Variants in BACH2 observed in about 807,000 individuals in gnomAD.
BACH2 encodes the protein BACH transcriptional regulator 2.
Under a neutral mutation model 61.8 loss-of-function variants are expected in BACH2, and 5 were observed. The ratio of observed to expected loss-of-function variants is 0.08; its 90% CI spans 0.04 to 0.17. The LOEUF is 0.17. BACH2 is among the 10% of genes least tolerant of loss of function. The pLI is 1.00. For synonymous variants in BACH2, 446 were observed against 440.1 expected (o/e 1.01, Z -0.17); for missense variants, 824 against 1,091.1 (o/e 0.76, Z 3.45).
intron 4 of BACH2, among the ~76,000 whole-genome samples, chr6:90,146,869 G>A (rs536401165): frequency 3.3e-5 from 5 of 152,238 alleles, no homozygotes; most frequent in South Asian, 2.1e-4. Flanking sequence ...TGTGAATGAC[G>A]ATTAAAACTA....
chr6:90,150,328 A>G (rs533755111), intron 4 of BACH2, among the ~76,000 whole-genome samples: 2 of 152,306 alleles, frequency 1.3e-5, no homozygotes, highest in African/African-American at 4.8e-5. Context: ...TTATTTTACA[A>G]TGGATAAACC....
At chr6:90,142,827 G>A (rs1368992850) in intron 4 of BACH2, among the ~76,000 whole-genome samples, 2 of 152,020 alleles carry the variant, frequency 1.3e-5, no homozygotes, top group Non-Finnish European at 2.9e-5. Flanking sequence ...GAGTGACTGT[G>A]ATAATTAGGG....
chr6:89,979,116 T>C (rs1775813528), intron 6 of BACH2, among the ~76,000 whole-genome samples: 1 of 152,138 alleles, frequency 6.6e-6, no homozygotes, highest in Admixed American at 6.5e-5. Flanking sequence ...CCATAAAAAA[T>C]AACTGTATGG....
At chr6:89,971,364 T>C (rs1189134970) in intron 6 of BACH2, among the ~76,000 whole-genome samples, 1 of 152,178 alleles carries the variant, frequency 6.6e-6, no homozygotes, top group Non-Finnish European at 1.5e-5. Flanking sequence ...AAGATACAAA[T>C]CACCTTATCC....
rs146731270 is a variant in BACH2 at position 90,116,039 on chromosome 6, C to A, written c.-161-26930G>T. Among the ~76,000 whole-genome samples the A allele has an allele frequency of 2.3e-3, 348 of 152,220 alleles. 1 individual carries two copies. The highest frequency in any genetic ancestry group is 8.0e-3 in the African/African-American group (333 of 41,554). ...TGGCAAAGTTGCAGAGAAAAGGGAACCCTTACACACTGTTGGTGGTATTGT... is the reference window on the plus strand; with the variant it reads ...TGGCAAAGTTGCAGAGAAAAGGGAAACCTTACACACTGTTGGTGGTATTGT... On this transcript the variant is annotated intron_variant, in intron 4 of 8. Coordinates refer to ENST00000257749, the MANE Select transcript of BACH2 (RefSeq NM_021813.4).
At chr6:89,961,045 T>G (rs1378238016) in intron 6 of BACH2, among the ~76,000 whole-genome samples, 1 of 152,228 alleles carries the variant, frequency 6.6e-6, no homozygotes, top group Non-Finnish European at 1.5e-5. Context: ...TTTGCCCATC[T>G]CATCTCACCT....
At chr6:90,055,878 ATAAG>A (rs1780317602) in intron 5 of BACH2, among the ~76,000 whole-genome samples, 1 of 152,198 alleles carries the variant, frequency 6.6e-6, no homozygotes, top group African/African-American at 2.4e-5. Flanking sequence ...ACTAAGCTTC[ATAAG>A]TGAAGGAGAA....
chr6:89,993,061 G>A (rs139537950), intron 6 of BACH2, among the ~76,000 whole-genome samples: 43 of 152,302 alleles, frequency 2.8e-4, no homozygotes, highest in African/African-American at 9.4e-4. Flanking sequence ...GACACAAGGA[G>A]GCGGCTGTCT....
chr6:89,997,324 C>T (rs754509815), intron 6 of BACH2, among the ~76,000 whole-genome samples: 20 of 152,202 alleles, frequency 1.3e-4, no homozygotes, highest in South Asian at 2.1e-4. Flanking sequence ...TCTCCAGTTA[C>T]GAAAACTGTG....
intron 6 of BACH2, among the ~76,000 whole-genome samples, chr6:89,968,662 T>C (rs1233025332): frequency 6.6e-6 from 1 of 152,246 alleles, no homozygotes; most frequent in Non-Finnish European, 1.5e-5. Context: ...TACTTGAGCA[T>C]TCACTGTGCT....
intron 3 of BACH2, among the ~76,000 whole-genome samples, chr6:90,250,530 T>C (rs1207812807): frequency 2.0e-5 from 3 of 152,216 alleles, no homozygotes; most frequent in Admixed American, 6.5e-5. Context: ...CAGATATTGA[T>C]TGAGCCCTGT....
chr6:90,045,633 C>A (rs17766774), intron 5 of BACH2, among the ~76,000 whole-genome samples: 4 of 152,054 alleles, frequency 2.6e-5, no homozygotes, highest in African/African-American at 9.7e-5. Flanking sequence ...AAGTCAAAAC[C>A]AAGTCAGTGG....
At chr6:90,258,642 T>C (rs1771060221) in intron 2 of BACH2, among the ~76,000 whole-genome samples, 1 of 152,200 alleles carries the variant, frequency 6.6e-6, no homozygotes, top group African/African-American at 2.4e-5. Context: ...CGAATCTGTA[T>C]ATTGCTTTGG....
chr6:90,012,880 T>G (rs377549632), intron 5 of BACH2, among the ~76,000 whole-genome samples: 1 of 152,162 alleles, frequency 6.6e-6, no homozygotes, highest in East Asian at 2.0e-4. Context: ...TTGGCCAGAC[T>G]GGTCTCGAAC....
At chr6:90,276,628 A>C (rs1771701074) in intron 1 of BACH2, among the ~76,000 whole-genome samples, 1 of 152,226 alleles carries the variant, frequency 6.6e-6, no homozygotes, top group Admixed American at 6.5e-5. Flanking sequence ...AAAGAGTGAG[A>C]GAGAGAGGAA....
At chr6:90,213,171 T>A (rs1362608653) in intron 3 of BACH2, among the ~76,000 whole-genome samples, 1 of 152,012 alleles carries the variant, frequency 6.6e-6, no homozygotes, top group Non-Finnish European at 1.5e-5. Context: ...AAAGGTCAGG[T>A]CTGGGAAGAC....
rs556922401 is a variant in BACH2 at position 90,093,460 on chromosome 6, A to G, written c.-161-4351T>C. Among the ~76,000 whole-genome samples the G allele has an allele frequency of 1.1e-3, 171 of 152,320 alleles. 4 individuals carry two copies. The highest frequency in any genetic ancestry group is 1.7e-3 in the Non-Finnish European group (119 of 68,028). Reference sequence around the variant, plus strand: ...CTTTCTGTAATGATGGAAATATTCAATATCTCTGCTGTCCAATATGGCAGC... The same window carrying G: ...CTTTCTGTAATGATGGAAATATTCAGTATCTCTGCTGTCCAATATGGCAGC... On this transcript the variant is annotated intron_variant, in intron 4 of 8. Coordinates refer to ENST00000257749, the MANE Select transcript of BACH2 (RefSeq NM_021813.4).
intron 3 of BACH2, among the ~76,000 whole-genome samples, chr6:90,229,611 C>T (rs78733565): frequency 0.016 from 2,447 of 152,244 alleles, 41 homozygotes; most frequent in East Asian, 0.07. Context: ...GGAAAAAGCA[C>T]GATAACTTAC....
intron 6 of BACH2, among the ~76,000 whole-genome samples, chr6:89,975,678 C>T (rs1775613167): frequency 6.6e-6 from 1 of 152,216 alleles, no homozygotes; most frequent in African/African-American, 2.4e-5. Context: ...GAGTTTACAT[C>T]ATTTCTTGGG....
Sources: allele counts gnomAD v4.1 joint callset (sites outside exome capture counted in the v4.1 genomes callset), GRCh38; gene constraint gnomAD v4.1.1; transcripts MANE v1.5; gene names NCBI Gene and HGNC (gene_info 2026-07-23, HGNC 2026-07-21).